The following TP63 variants were observed in gnomAD, a reference collection of about 807,000 sequenced individuals.
TP63 encodes tumor protein p63, also known as tumor protein 63.
TP63 carries 17 observed loss-of-function variants against 82.8 expected under a neutral mutation model. That is an observed-to-expected ratio of 0.21 (90% CI 0.14 to 0.31). The LOEUF is 0.31. Ranked by LOEUF, TP63 falls within the 10% of genes least tolerant of loss-of-function variation. The probability of loss-of-function intolerance (pLI) is 1.00; values close to 1 mark genes in which losing one functional copy is unlikely to be tolerated. For synonymous variants in TP63, 330 were observed against 321.7 expected (o/e 1.03, Z -0.28); for missense variants, 648 against 895.3 (o/e 0.72, Z 3.52).
At chr3:189,891,847 C>A (rs542279727) in intron 13 of TP63, among the ~76,000 whole-genome samples, 2 of 152,194 alleles carry the variant, frequency 1.3e-5, no homozygotes, top group African/African-American at 4.8e-5. Flanking sequence ...CTTTGGACTG[C>A]GGGAAGAAGA....
chr3:189,874,394 T>G (rs1392000046), intron 10 of TP63, among the ~76,000 whole-genome samples: 2 of 152,138 alleles, frequency 1.3e-5, no homozygotes, highest in Non-Finnish European at 2.9e-5. Context: ...TTAATCAATA[T>G]GAATGTATCT....
upstream of TP63, among the ~76,000 whole-genome samples, chr3:189,626,801 T>A (rs1729328743): frequency 6.6e-6 from 1 of 152,204 alleles, no homozygotes; most frequent in Non-Finnish European, 1.5e-5. Context: ...CCATTCCTAT[T>A]TCTTAAGTCC....
intron 4 of TP63, among the ~76,000 whole-genome samples, chr3:189,848,239 T>TCTCTCTCTCTCTC (rs372147574): frequency 2.1e-5 from 2 of 95,980 alleles, no homozygotes; most frequent in Non-Finnish European, 2.0e-5. Flanking sequence ...CTCCTCCTCC[T>TCTCTCTCTCTCTC]TCTCTCTCTC....
In TP63 at chr3:189,802,839, C is replaced by T. The variant is rs147034508; in HGVS notation, c.325-5433C>T. On this transcript the variant is annotated intron_variant, in intron 3 of 13. Transcript: ENST00000264731. Reference sequence around the variant, plus strand: ...TCTTGTAACAAAGGTCTGGTTGAATCGAGATAAGTTATGATTATATATCCC... The same window carrying T: ...TCTTGTAACAAAGGTCTGGTTGAATTGAGATAAGTTATGATTATATATCCC... 6.3e-3 allele frequency among the ~76,000 whole-genome samples: 954 copies of T among 152,190 alleles called. 7 individuals are homozygous for T. The highest frequency in any genetic ancestry group is 0.022 in the African/African-American group (913 of 41,526).
chr3:189,750,917 C>T (rs1721769372), intron 3 of TP63, among the ~76,000 whole-genome samples: 1 of 152,084 alleles, frequency 6.6e-6, no homozygotes, highest in Non-Finnish European at 1.5e-5. Context: ...TTGCTGCACC[C>T]ATCAACTAAT....
In TP63 at chr3:189,790,163, A is replaced by G. The variant is rs147928088; in HGVS notation, c.325-18109A>G. Among the ~76,000 whole-genome samples, 580 of 152,212 alleles carry G rather than the reference A, an allele frequency of 3.8e-3. 1 individual carries two copies. The highest frequency in any genetic ancestry group is 6.8e-3 in the Non-Finnish European group (464 of 67,966). On this transcript the variant is annotated intron_variant, in intron 3 of 13. Coordinates refer to ENST00000264731, the MANE Select transcript of TP63 (RefSeq NM_003722.5). ...GAGAGCAGATCACACTCTGCTAGAT[A>G]CATTGCAATGAATCCTCTGATGGGT...
At chr3:189,881,914 A>G (rs750153244) in intron 10 of TP63, among the ~76,000 whole-genome samples, 3 of 151,800 alleles carry the variant, frequency 2.0e-5, no homozygotes, top group Non-Finnish European at 4.4e-5. Context: ...ATTAGCAAAT[A>G]TTTGGCCAGA....
At chr3:189,683,436 G>T (rs567061976) in intron 1 of TP63, among the ~76,000 whole-genome samples, 6 of 152,230 alleles carry the variant, frequency 3.9e-5, no homozygotes, top group African/African-American at 1.2e-4. Context: ...ATAATGTTTT[G>T]ATAATAATTT....
Position 189,866,816 on chromosome 3 carries a change from A to C in TP63, c.882+19A>C. 1 of 1,607,718 alleles carries C rather than the reference A, an allele frequency of 6.2e-7. No homozygotes were observed. Among genetic ancestry groups the C allele is most frequent in the Non-Finnish European group, 8.5e-7 (1 of 1,174,214 alleles). On this transcript the variant is annotated intron_variant, in intron 6 of 13. Transcript: ENST00000264731. ...ACCCCAGGTAAAAAGCAAAAAACCA[A>C]ACCAAAAAACAACACCTCTATGGAC...
rs1368187758 is a variant in TP63, at chr3:189,895,238, TAAG to T, written c.*743_*745del. ...ACGTTGGGGTGATTTAATCCAGTTA[TAAG>T]AAGAAGTTCATGTCCAAACGTCCTC... On this transcript the variant is annotated 3_prime_UTR_variant, in exon 14 of 14. Coordinates refer to ENST00000264731, the MANE Select transcript of TP63 (RefSeq NM_003722.5). The T allele has an allele frequency of 3.2e-5, 7 of 221,658 alleles. No homozygotes were observed. Among genetic ancestry groups the T allele is most frequent in the African/African-American group, 4.5e-5 (2 of 44,692 alleles). The allele number at this position is 221,658 out of a possible 1,614,324, so 13.7% of individuals were successfully genotyped here. A position where few individuals can be genotyped will look rare whatever the true frequency, so the allele number is the denominator to read the frequency against.
rs564533462 is a variant in TP63 at position 189,707,474 on chromosome 3, A to G, written c.63-30266A>G. 9.9e-5 allele frequency among the ~76,000 whole-genome samples: 15 copies of G among 152,266 alleles called. No individual in the cohort carries two copies. The South Asian group carries it at 2.3e-3, about 23-fold the overall frequency. ...TAACAAATCTATAGTCGTCATCTAT[A>G]TACATTTGTACATTTTTGTTGTTTT... On this transcript the variant is annotated intron_variant, in intron 1 of 13. Coordinates refer to ENST00000264731, the MANE Select transcript of TP63 (RefSeq NM_003722.5).
the TP63 span, among the ~76,000 whole-genome samples, chr3:189,621,378 A>T: frequency 6.6e-6 from 1 of 152,148 alleles, no homozygotes. Flanking sequence ...TGTAGAAGAC[A>T]TTAGTAAGAA....
rs771158812 is a variant in TP63, at chr3:189,873,009, C to T, written c.1349+14C>T. 19 of 1,613,960 alleles carry T rather than the reference C, an allele frequency of 1.2e-5. No individual in the cohort carries two copies. Among genetic ancestry groups the T allele is most frequent in the Admixed American group, 6.7e-5 (4 of 60,000 alleles). ...ACTTCAGAAACAGTGAGTGTATCAA[C>T]GTGTCATTTTAGGAGGCATGAGTGA... On this transcript the variant is annotated intron_variant, in intron 10 of 13. Transcript: ENST00000264731.
At chr3:189,664,434 CCTAA>C (rs1461273119) in intron 1 of TP63, among the ~76,000 whole-genome samples, 2 of 152,100 alleles carry the variant, frequency 1.3e-5, no homozygotes, top group African/African-American at 2.4e-5. Context: ...CATCCTATTT[CCTAA>C]CTGAGGAAGA....
intron 10 of TP63, among the ~76,000 whole-genome samples, chr3:189,884,461 A>G (rs1247416673): frequency 1.3e-5 from 2 of 152,178 alleles, no homozygotes; most frequent in Non-Finnish European, 1.5e-5. Flanking sequence ...GCAACATGTG[A>G]TCTTGGGCAT....
At chr3:189,891,642 A>G (rs1297035095) in intron 13 of TP63, among the ~76,000 whole-genome samples, 5 of 152,086 alleles carry the variant, frequency 3.3e-5, no homozygotes, top group Admixed American at 2.0e-4. Context: ...TGGCTTTCAT[A>G]TCCTTTGATT....
chr3:189,799,510 T>C (rs1006259229), intron 3 of TP63, among the ~76,000 whole-genome samples: 11 of 152,140 alleles, frequency 7.2e-5, no homozygotes, highest in African/African-American at 2.7e-4. Flanking sequence ...ACCATCAGGT[T>C]AAAAAACACT....
At chr3:189,888,083 C>A (rs1039489391) in intron 11 of TP63, among the ~76,000 whole-genome samples, 1 of 152,108 alleles carries the variant, frequency 6.6e-6, no homozygotes, top group African/African-American at 2.4e-5. Flanking sequence ...GTCGCGAACT[C>A]CTGACCTCAG....
At chr3:189,673,572 C>G (rs1448897422) in intron 1 of TP63, among the ~76,000 whole-genome samples, 1 of 151,976 alleles carries the variant, frequency 6.6e-6, no homozygotes, top group Non-Finnish European at 1.5e-5. Flanking sequence ...TCGTTAACAA[C>G]TGAAAAACAA....
Sources: allele counts gnomAD v4.1 joint callset (sites outside exome capture counted in the v4.1 genomes callset), GRCh38; gene constraint gnomAD v4.1.1; transcripts MANE v1.5; gene names NCBI Gene and HGNC (gene_info 2026-07-23, HGNC 2026-07-21).